Variants in MCPH1 observed in about 807,000 individuals in gnomAD.
The protein encoded by MCPH1 is microcephalin.
A neutral mutation model predicts 84.5 loss-of-function variants in MCPH1; 104 were observed. The observed-to-expected ratio is 1.23, with a 90% CI of 1.05 to 1.45. The LOEUF is 1.45. Ranked by LOEUF, MCPH1 falls within the 40% of genes most tolerant of loss-of-function variation. The pLI, the probability that MCPH1 is intolerant of heterozygous loss-of-function variation, is 0.00. For missense variants in MCPH1, 1,498 were observed against 1,005.7 expected (o/e 1.49, Z -6.62); for synonymous variants, 514 against 366.8 (o/e 1.40, Z -4.58).
At chr8:6,462,003 G>C (rs1251431410) in intron 9 of MCPH1, among the ~76,000 whole-genome samples, 1 of 152,172 alleles carries the variant, frequency 6.6e-6, no homozygotes, top group African/African-American at 2.4e-5. Context: ...AAGTGGCTCA[G>C]TTGTAGAATC....
intron 1 of MCPH1, among the ~76,000 whole-genome samples, chr8:6,408,257 C>G (rs1462043794): frequency 6.6e-6 from 1 of 152,234 alleles, no homozygotes; most frequent in African/African-American, 2.4e-5. Context: ...GAGACAGAGT[C>G]TTACTCTCTT....
chr8:6,410,546 GT>G (rs1415354563), intron 2 of MCPH1, among the ~76,000 whole-genome samples: 1 of 152,192 alleles, frequency 6.6e-6, no homozygotes, highest in African/African-American at 2.4e-5. Context: ...CGTACTGCTT[GT>G]GTTCAGGTAG....
At chr8:6,509,074 C>T (rs896755986) in intron 12 of MCPH1, 1 of 1,600,238 alleles carries the variant, frequency 6.2e-7, no homozygotes, top group Admixed American at 1.8e-5. Flanking sequence ...TGTAAGCGTG[C>T]AAAGAAAAAA....
intron 12 of MCPH1, among the ~76,000 whole-genome samples, chr8:6,551,112 G>T (rs1028438839): frequency 1.3e-5 from 2 of 152,138 alleles, no homozygotes; most frequent in South Asian, 2.1e-4. Context: ...ACGGCTCCTG[G>T]GCCCCTGACT....
chr8:6,625,379 T>C (rs148667287), intron 13 of MCPH1: 5 of 985,298 alleles, frequency 5.1e-6, no homozygotes, highest in Non-Finnish European at 6.0e-6. Context: ...ACAAAGCACA[T>C]TGTGTCTTTT....
chr8:6,492,742 TA>T (rs1387077083), intron 11 of MCPH1, among the ~76,000 whole-genome samples: 1 of 148,540 alleles, frequency 6.7e-6, no homozygotes, highest in African/African-American at 2.4e-5. Flanking sequence ...TAAATATTAA[TA>T]ATAATTATTT....
intron 9 of MCPH1, among the ~76,000 whole-genome samples, chr8:6,467,883 C>T (rs531822838): frequency 6.6e-6 from 1 of 152,210 alleles, no homozygotes; most frequent in African/African-American, 2.4e-5. Context: ...TAGGCATGAA[C>T]CACCATGCCT....
chr8:6,436,759 G>A (rs931795815), intron 5 of MCPH1, among the ~76,000 whole-genome samples: 3 of 151,884 alleles, frequency 2.0e-5, no homozygotes, highest in African/African-American at 7.2e-5. Context: ...CACGAGGTCA[G>A]GAGATAGAGA....
intron 9 of MCPH1, among the ~76,000 whole-genome samples, chr8:6,468,976 G>T (rs1261832605): frequency 6.6e-6 from 1 of 152,080 alleles, no homozygotes; most frequent in African/African-American, 2.4e-5. Flanking sequence ...ATCGCTTGAG[G>T]CCAGGAGTTC....
At chr8:6,570,482 T>C (rs1338510646) in intron 12 of MCPH1, among the ~76,000 whole-genome samples, 6 of 152,186 alleles carry the variant, frequency 3.9e-5, no homozygotes, top group African/African-American at 1.2e-4. Flanking sequence ...CCCCGCATTA[T>C]AGTTGTGTTT....
chr8:6,627,920 T>TAC (rs1045188524), intron 13 of MCPH1, among the ~76,000 whole-genome samples: 7 of 151,766 alleles, frequency 4.6e-5, no homozygotes, highest in African/African-American at 1.7e-4. Flanking sequence ...TATATATATA[T>TAC]TTATATAAAC....
At chr8:6,571,156 A>C (rs192602827) in intron 12 of MCPH1, among the ~76,000 whole-genome samples, 89 of 152,326 alleles carry the variant, frequency 5.8e-4, no homozygotes, top group African/African-American at 2.0e-3. Flanking sequence ...AAGTCACAAC[A>C]TTAAAAGGGA....
intron 13 of MCPH1, among the ~76,000 whole-genome samples, chr8:6,627,679 C>A (rs555602631): frequency 2.3e-4 from 35 of 151,856 alleles, no homozygotes; most frequent in Non-Finnish European, 7.4e-5. Context: ...TCGTTTGAGC[C>A]CAGCAGCTCG....
chr8:6,503,349 C>T, intron 12 of MCPH1: 2 of 1,416,232 alleles, frequency 1.4e-6, no homozygotes, highest in African/African-American at 1.4e-5. Flanking sequence ...AGGCAGGAGG[C>T]ACACTGCAGG....
Position 6,467,498 on chromosome 8 carries a change from C to CT in MCPH1, c.1936-10093dup, listed in dbSNP as rs567774035. Among the ~76,000 whole-genome samples the CT allele has an allele frequency of 7.9e-5, 12 of 152,284 alleles. No individual in the cohort carries two copies. In the South Asian group the frequency reaches 2.5e-3, roughly 32 times the overall value. On this transcript the variant is annotated intron_variant, in intron 9 of 13. Coordinates refer to ENST00000344683, the MANE Select transcript of MCPH1 (RefSeq NM_024596.5). ...TTTTGTTTTTAGTATTTTTCTGTCACTTTACTTCCTCAGGTGAAGTTTTAA... is the reference window on the plus strand; with the variant it reads ...TTTTGTTTTTAGTATTTTTCTGTCACTTTTACTTCCTCAGGTGAAGTTTTAA...
At chr8:6,490,614 G>A (rs1810454238) in intron 11 of MCPH1, among the ~76,000 whole-genome samples, 1 of 152,098 alleles carries the variant, frequency 6.6e-6, no homozygotes, top group African/African-American at 2.4e-5. Context: ...TGACGACATT[G>A]TACATTTTGC....
chr8:6,422,622 C>T (rs1211511650), intron 3 of MCPH1, among the ~76,000 whole-genome samples: 1 of 152,170 alleles, frequency 6.6e-6, no homozygotes, highest in African/African-American at 2.4e-5. Flanking sequence ...CACCACTAAC[C>T]CCAGCCTTTC....
At chr8:6,617,371 C>G (rs1040500928) in intron 12 of MCPH1, among the ~76,000 whole-genome samples, 5 of 150,346 alleles carry the variant, frequency 3.3e-5, no homozygotes, top group African/African-American at 1.2e-4. Flanking sequence ...GCTCCTCCTC[C>G]CAGGTTCACA....
intron 12 of MCPH1, among the ~76,000 whole-genome samples, chr8:6,604,070 G>C (rs887257123): frequency 2.0e-5 from 3 of 151,772 alleles, no homozygotes; most frequent in Non-Finnish European, 2.9e-5. Flanking sequence ...TGGCCAGTAG[G>C]AAACAGGCAC....
Sources: gnomAD v4.1 joint callset for allele counts (sites outside exome capture counted in the v4.1 genomes callset) on GRCh38, gnomAD v4.1.1 for gene constraint, MANE v1.5 for transcripts, NCBI Gene and HGNC (gene_info 2026-07-23, HGNC 2026-07-21) for gene names.